Variants in ESR1 observed in about 807,000 individuals in gnomAD.
ESR1 encodes the protein estrogen receptor.
In ESR1, 12 loss-of-function variants were observed where a neutral mutation model predicts 52.7. The ratio of observed to expected loss-of-function variants is 0.23; its 90% CI spans 0.15 to 0.37. The LOEUF (loss-of-function observed/expected upper bound fraction) is 0.37, where lower values mean the gene tolerates loss of function less well. Among genes scored for constraint, ESR1 ranks in the 10% least tolerant of loss-of-function variants. ESR1 has a pLI of 1.00. For missense variants in ESR1, 584 were observed against 779.7 expected (o/e 0.75, Z 2.99); for synonymous variants, 305 against 316.8 (o/e 0.96, Z 0.39).
intron 6 of ESR1, chr6:152,121,956 A>G (rs1402364639): frequency 6.1e-6 from 1 of 164,970 alleles, no homozygotes; most frequent in Non-Finnish European, 1.4e-5. Context: ...CTGCCATATA[A>G]GCTCTTAAAA....
chr6:152,097,274 C>T (rs957390593), intron 7 of ESR1, among the ~76,000 whole-genome samples: 1 of 152,080 alleles, frequency 6.6e-6, no homozygotes, highest in African/African-American at 2.4e-5. Flanking sequence ...AGCTTGGCCC[C>T]AGCCATATGT....
At chr6:151,932,115 T>C (rs1217414243) in intron 3 of ESR1, among the ~76,000 whole-genome samples, 1 of 149,498 alleles carries the variant, frequency 6.7e-6, no homozygotes, top group African/African-American at 2.4e-5. Context: ...CCAGCACCTG[T>C]TGTTTCCTGA....
intron 5 of ESR1, among the ~76,000 whole-genome samples, chr6:152,036,095 C>T (rs948319295): frequency 3.5e-5 from 5 of 141,190 alleles, no homozygotes; most frequent in East Asian, 2.2e-4. Context: ...CAGGGCCAGG[C>T]ACGGTGGCTC....
rs55982612 is a variant in ESR1 at position 151,835,789 on chromosome 6, A to G, written c.453-6808A>G. 7.8e-3 allele frequency among the ~76,000 whole-genome samples: 930 copies of G among 118,474 alleles called. 10 individuals are homozygous for G. Among genetic ancestry groups the G allele is most frequent in the African/African-American group, 0.031 (895 of 28,488 alleles). 77.7% of individuals were successfully genotyped at this position (118,474 alleles called of 152,430 possible). On this transcript the variant is annotated intron_variant, in intron 1 of 7. Transcript: ENST00000206249. ...AATTCAAGAATTTGGACTTAAGTCT[A>G]TATAATGATGATTTTTTTTTTTTAA...
downstream of ESR1, among the ~76,000 whole-genome samples, chr6:152,104,430 C>T (rs2051037422): frequency 6.6e-6 from 1 of 152,198 alleles, no homozygotes; most frequent in Non-Finnish European, 1.5e-5. Context: ...AGCACTCAAT[C>T]CACATTAGCT....
At chr6:151,732,705 G>T (rs1209515937) in intron 2 of ESR1, among the ~76,000 whole-genome samples, 3 of 152,062 alleles carry the variant, frequency 2.0e-5, no homozygotes, top group Non-Finnish European at 4.4e-5. Flanking sequence ...CGCTTTTTGG[G>T]TTGTCAGAGA....
chr6:151,882,798 G>T (rs910837375), intron 3 of ESR1, among the ~76,000 whole-genome samples: 4 of 151,832 alleles, frequency 2.6e-5, no homozygotes, highest in Non-Finnish European at 5.9e-5. Flanking sequence ...ATACGGTCTG[G>T]CTGCATGAAT....
chr6:151,661,875 C>T (rs115846352), intron 1 of ESR1, among the ~76,000 whole-genome samples: 2,082 of 152,264 alleles, frequency 0.014, 53 homozygotes, highest in African/African-American at 0.047. Flanking sequence ...CTTTGCCTTC[C>T]GCCATGATTG....
Position 151,673,217 on chromosome 6 carries a change from G to T in ESR1, n.73+16454G>T, listed in dbSNP as rs373254022. On this transcript the variant is annotated intron_variant and non_coding_transcript_variant, in intron 1 of 2. Transcript: ENST00000473497. ...GATCACTGTATGATCAGCAAATGTA[G>T]ATAAATGAATATAATATTGATTCAC... Among the ~76,000 whole-genome samples the T allele has an allele frequency of 1.2e-4, 19 of 152,254 alleles. No individual in the cohort carries two copies. The East Asian group carries it at 3.7e-3, about 29-fold the overall frequency.
In ESR1 at chr6:152,026,300, A is replaced by G. The variant is rs575335477; in HGVS notation, c.1235+14506A>G. Among the ~76,000 whole-genome samples the G allele has an allele frequency of 1.1e-4, 17 of 152,104 alleles. No individual in the cohort carries two copies. The South Asian group carries it at 2.5e-3, about 22-fold the overall frequency. On this transcript the variant is annotated intron_variant, in intron 5 of 7. Coordinates refer to ENST00000206249, the MANE Select transcript of ESR1 (RefSeq NM_000125.4). ...AAGTATTTATGTTTGCTTTCTCTTT[A>G]TTATGCCTTATGGCTTTTGTGTTAA...
At chr6:151,838,258 G>T (rs529812945) in intron 1 of ESR1, among the ~76,000 whole-genome samples, 3 of 152,224 alleles carry the variant, frequency 2.0e-5, no homozygotes, top group Non-Finnish European at 4.4e-5. Flanking sequence ...ACATGGTATA[G>T]GCACTTTCTA....
intron 4 of ESR1, among the ~76,000 whole-genome samples, chr6:151,966,068 T>C (rs1234993504): frequency 6.6e-6 from 1 of 152,214 alleles, no homozygotes; most frequent in East Asian, 1.9e-4. Flanking sequence ...CAATATATCC[T>C]TGAGTAATTT....
At chr6:151,863,065 A>G (rs1232986550) in intron 2 of ESR1, among the ~76,000 whole-genome samples, 4 of 152,194 alleles carry the variant, frequency 2.6e-5, no homozygotes, top group African/African-American at 7.2e-5. Flanking sequence ...AGTCTCTTGT[A>G]GTATAGTTTG....
chr6:151,796,550 T>C (rs9479117), intron 2 of ESR1, among the ~76,000 whole-genome samples: 39,973 of 152,092 alleles, frequency 0.26, 6,424 homozygotes, highest in African/African-American at 0.44. Flanking sequence ...GAAATGGCAT[T>C]TGTAAAACAC....
Position 151,842,715 on chromosome 6 carries a change from T to C in ESR1, c.571T>C (p.Tyr191His), listed in dbSNP as rs1784490436. Residue 191 changes from tyrosine (Y) to histidine (H), a missense_variant, in exon 2 of 8, where the codon TAT becomes CAT. Coordinates refer to ENST00000206249, the MANE Select transcript of ESR1 (RefSeq NM_000125.4). ...ETRYCAVCNDYASGYHYGVWS... is the reference protein window; with the variant it reads ...ETRYCAVCNDHASGYHYGVWS... ...TCGCTACTGTGCAGTGTGCAATGAC[T>C]ATGCTTCAGGCTACCATTATGGAGT... The C allele has an allele frequency of 6.2e-7, 1 of 1,614,014 alleles. No individual in the cohort carries two copies. Among genetic ancestry groups the C allele is most frequent in the Non-Finnish European group, 8.5e-7 (1 of 1,179,926 alleles).
At chr6:151,933,996 C>T (rs962674741) in intron 3 of ESR1, among the ~76,000 whole-genome samples, 1 of 152,210 alleles carries the variant, frequency 6.6e-6, no homozygotes, top group Non-Finnish European at 1.5e-5. Context: ...TGGCACTCCT[C>T]TGCTCTATGG....
chr6:151,667,253 A>G (rs930747453), intron 1 of ESR1, among the ~76,000 whole-genome samples: 4 of 152,212 alleles, frequency 2.6e-5, no homozygotes, highest in African/African-American at 9.6e-5. Flanking sequence ...TTGTCATTTT[A>G]TTAAAAATTG....
intron 2 of ESR1, among the ~76,000 whole-genome samples, chr6:151,721,737 T>A (rs1246060901): frequency 6.6e-6 from 1 of 152,240 alleles, no homozygotes; most frequent in Admixed American, 6.5e-5. Context: ...CCACCTCTCC[T>A]TTCCAGAAAT....
intron 2 of ESR1, among the ~76,000 whole-genome samples, chr6:151,760,240 G>A (rs1784572198): frequency 6.6e-6 from 1 of 152,122 alleles, no homozygotes; most frequent in Non-Finnish European, 1.5e-5. Flanking sequence ...CCTCCCTTGG[G>A]TCACAGTCGT....
Sources: allele counts gnomAD v4.1 joint callset (sites outside exome capture counted in the v4.1 genomes callset), GRCh38; gene constraint gnomAD v4.1.1; transcripts MANE v1.5; gene names NCBI Gene and HGNC (gene_info 2026-07-23, HGNC 2026-07-21).